Variants in CPNE9 observed in about 807,000 individuals in gnomAD.
CPNE9 encodes copine family member 9.
A neutral mutation model predicts 83.0 loss-of-function variants in CPNE9; 59 were observed. The observed-to-expected ratio is 0.71, with a 90% CI of 0.58 to 0.88. The LOEUF (loss-of-function observed/expected upper bound fraction) is 0.88. Among genes scored for constraint, CPNE9 ranks in the 40% least tolerant of loss-of-function variants. The pLI, the probability that CPNE9 is intolerant of heterozygous loss-of-function variation, is 0.00. For synonymous variants in CPNE9, 256 were observed against 273.4 expected, an observed-to-expected ratio of 0.94 and a Z score of 0.63; for missense variants, 619 against 720.8, an observed-to-expected ratio of 0.86 and a Z score of 1.62.
chr3:9,727,443 CA>C, intron 20 of CPNE9: 1 of 717,168 alleles, frequency 1.4e-6, no homozygotes, highest in Admixed American at 2.0e-5. Context: ...AATAATCACA[CA>C]AAGAAATATC....
chr3:9,719,134 G>C (rs2076711923), intron 17 of CPNE9, among the ~76,000 whole-genome samples: 1 of 151,940 alleles, frequency 6.6e-6, no homozygotes, highest in African/African-American at 2.4e-5. Flanking sequence ...ACCATGCCTG[G>C]CTCATTTTTT....
At chr3:9,719,047 G>C (rs1211317302) in intron 17 of CPNE9, among the ~76,000 whole-genome samples, 1 of 151,456 alleles carries the variant, frequency 6.6e-6, no homozygotes, top group Admixed American at 6.6e-5. Context: ...ATGTTGGCCA[G>C]GCTGGTCTTG....
chr3:9,712,884 G>A lies in CPNE9; in HGVS notation c.545+56G>A. ...GGGGTGGGCCATGTGCTTAACAAGT[G>A]GGGGAATCTCAGGAATCTCTGAGAG... On this transcript the variant is annotated intron_variant, in intron 9 of 20. Transcript: ENST00000383832. The A allele has an allele frequency of 7.0e-6, 11 of 1,573,576 alleles. No individual in the cohort carries two copies. In the South Asian group the frequency reaches 1.2e-4, roughly 17 times the overall value.
At chr3:9,727,783 T>A (rs999901010) in intron 20 of CPNE9, among the ~76,000 whole-genome samples, 8 of 152,150 alleles carry the variant, frequency 5.3e-5, no homozygotes, top group African/African-American at 1.9e-4. Context: ...AAAGGATCTC[T>A]CTAGCTGCTG....
rs1301856578 is a variant in CPNE9, at chr3:9,727,504, G to T, written c.1476+318G>T. On this transcript the variant is annotated intron_variant, in intron 20 of 20. Transcript: ENST00000383832. ...AGAGGAATAGCAAATGCCACTGTGA[G>T]AGCCTGTAACAGGGACCTAACATAG... is the stretch of plus-strand genomic sequence containing the variant. 4.3e-6 allele frequency: 3 copies of T among 691,648 alleles called. No individual in the cohort carries two copies. The African/African-American group carries it at 5.3e-5, about 12-fold the overall frequency. 42.8% of individuals were successfully genotyped at this position (691,648 alleles called of 1,614,324 possible).
chr3:9,711,857 TG>T, intron 7 of CPNE9, among the ~76,000 whole-genome samples: 1 of 152,304 alleles, frequency 6.6e-6, no homozygotes, highest in Non-Finnish European at 1.5e-5. Flanking sequence ...TCCCTCTCCA[TG>T]GTCTTCAGAA....
chr3:9,718,286 C>A, intron 16 of CPNE9, 76 bp downstream of exon 16: 2 of 1,463,820 alleles, frequency 1.4e-6, no homozygotes, highest in Non-Finnish European at 1.9e-6. Context: ...GTTCTGTTTA[C>A]ATTACTTCAA....
Position 9,704,814 on chromosome 3 carries a change from T to TC in CPNE9, c.156+22dup. ...GCGGGAGGTGAGTCCCAGAGCCCCC[T>TC]CCCGGCCCAGGGCGTCGCCCGGGAA... On this transcript the variant is annotated intron_variant, in intron 3 of 20. Coordinates refer to ENST00000383832, the MANE Select transcript of CPNE9 (RefSeq NM_153635.3). The surrounding 1 kb of genome is among the most constrained non-coding windows in gnomAD (Gnocchi z 7.1). The TC allele has an allele frequency of 6.3e-7, 1 of 1,588,302 alleles. No individual in the cohort carries two copies. The highest frequency in any genetic ancestry group is 8.6e-7 in the Non-Finnish European group (1 of 1,167,804).
At position 9,725,699 on chromosome 3, in the gene CPNE9, T is replaced by TATATATGTATATAC. The variant is rs753751997; in HGVS notation, c.1242-242_1242-241insATATACATATATGT. Among the ~76,000 whole-genome samples, 676 of 137,104 alleles carry TATATATGTATATAC rather than the reference T, an allele frequency of 4.9e-3. 8 individuals carry two copies. Among genetic ancestry groups the TATATATGTATATAC allele is most frequent in the African/African-American group, 0.016 (631 of 38,704 alleles). The allele number at this position is 137,104 out of a possible 152,430, so 89.9% of individuals were successfully genotyped here. A position where few individuals can be genotyped will look rare whatever the true frequency, so the allele number is the denominator to read the frequency against. ...GTGTATATATATATACATATATGTG[T>TATATATGTATATAC]ATATATGTGTATATATGTGTATATG... On this transcript the variant is annotated intron_variant, in intron 17 of 20. Coordinates refer to ENST00000383832, the MANE Select transcript of CPNE9 (RefSeq NM_153635.3).
At chr3:9,708,210 C>T (rs1277604094) in intron 7 of CPNE9, among the ~76,000 whole-genome samples, 1 of 152,182 alleles carries the variant, frequency 6.6e-6, no homozygotes, top group African/African-American at 2.4e-5. Flanking sequence ...CCTTGGCCTC[C>T]CAAAGTGCTG....
chr3:9,727,346 G>C (rs1237007167), intron 20 of CPNE9, 160 bp downstream of exon 20: 3 of 876,190 alleles, frequency 3.4e-6, no homozygotes, highest in African/African-American at 1.7e-5. Context: ...TTGACAAACA[G>C]GAAGGTTGCT....
rs746012928 is a variant in CPNE9 at position 9,729,719 on chromosome 3, G to C, written c.*27G>C. 5.0e-6 allele frequency: 8 copies of C among 1,592,940 alleles called. No individual in the cohort carries two copies. Among genetic ancestry groups the C allele is most frequent in the South Asian group, 1.1e-5 (1 of 89,414 alleles). On this transcript the variant is annotated 3_prime_UTR_variant, in exon 21 of 21. Transcript: ENST00000383832. ...GATTCCACATATCCAATGCCTCACA[G>C]TCTGCAAGCCTGCTCACCCACTGCT... is the stretch of plus-strand genomic sequence containing the variant.
At chr3:9,718,405 G>A (rs1442300090) in intron 16 of CPNE9, 70 bp from the exon 17 acceptor site, 11 of 1,556,360 alleles carry the variant, frequency 7.1e-6, no homozygotes, top group Non-Finnish European at 8.8e-6. Context: ...AGGAAGGAGT[G>A]AGCTGGAATC....
chr3:9,721,456 A>C (rs1181912273), intron 17 of CPNE9, among the ~76,000 whole-genome samples: 1 of 152,230 alleles, frequency 6.6e-6, no homozygotes, highest in African/African-American at 2.4e-5. Context: ...ATGTACTTAT[A>C]GTCATCTAGC....
chr3:9,707,562 AC>A (rs1296588163), intron 7 of CPNE9, among the ~76,000 whole-genome samples: 1 of 151,764 alleles, frequency 6.6e-6, no homozygotes, highest in Non-Finnish European at 1.5e-5. Context: ...TGAGGACAAC[AC>A]CAAGATCTTT....
intron 7 of CPNE9, among the ~76,000 whole-genome samples, chr3:9,709,437 T>C (rs1042204255): frequency 2.7e-5 from 4 of 148,866 alleles, no homozygotes; most frequent in Non-Finnish European, 6.0e-5. Context: ...GGTGTGATCT[T>C]GGCCCACTGC....
chr3:9,726,323 G>A (rs563039806), intron 18 of CPNE9, among the ~76,000 whole-genome samples: 7 of 152,260 alleles, frequency 4.6e-5, no homozygotes, highest in South Asian at 4.2e-4. Flanking sequence ...TGTGGGTTGC[G>A]TTACAGAAGA....
At chr3:9,724,758 A>ATCTATCTG (rs1559645462) in intron 17 of CPNE9, among the ~76,000 whole-genome samples, 1 of 150,714 alleles carries the variant, frequency 6.6e-6, no homozygotes, top group East Asian at 1.9e-4. Flanking sequence ...CTATCTATCT[A>ATCTATCTG]TCTATCTATC....
intron 17 of CPNE9, among the ~76,000 whole-genome samples, chr3:9,725,686 A>ATATGTGTGTATATATG (rs767348050): frequency 3.0e-5 from 4 of 132,906 alleles, no homozygotes; most frequent in Admixed American, 7.7e-5. Flanking sequence ...GTATATATAT[A>ATATGTGTGTATATATG]TACATATATG....
Sources: allele counts gnomAD v4.1 joint callset (sites outside exome capture counted in the v4.1 genomes callset), GRCh38; gene constraint gnomAD v4.1.1; non-coding constraint Gnocchi (gnomAD v3.1); transcripts MANE v1.5; gene names NCBI Gene and HGNC (gene_info 2026-07-23, HGNC 2026-07-21).